MCM9: variants seen among roughly 807,000 people sequenced by gnomAD.
The protein encoded by MCM9 is DNA helicase MCM9.
In MCM9, 55 loss-of-function variants were observed where a neutral mutation model predicts 72.8. That is an observed-to-expected ratio of 0.76 (90% confidence interval 0.61 to 0.95). The LOEUF (loss-of-function observed/expected upper bound fraction) is 0.95, where lower values mean the gene tolerates loss of function less well. Ranked by LOEUF, MCM9 falls within the 40% of genes least tolerant of loss-of-function variation. The probability of loss-of-function intolerance (pLI) is 0.00; values close to 1 mark genes in which losing one functional copy is unlikely to be tolerated. For missense variants in MCM9, 1,279 were observed against 1,377.0 expected (o/e 0.93, Z 1.13); for synonymous variants, 480 against 503.4 (o/e 0.95, Z 0.62).
chr6:118,873,772 T>C (rs933165244), intron 8 of MCM9, among the ~76,000 whole-genome samples: 1 of 152,216 alleles, frequency 6.6e-6, no homozygotes, highest in Non-Finnish European at 1.5e-5. Context: ...TCCTAGCTCA[T>C]TGTATGAGGC....
chr6:118,874,536 A>G (rs1274971278), intron 8 of MCM9, among the ~76,000 whole-genome samples: 5 of 152,224 alleles, frequency 3.3e-5, no homozygotes. Context: ...CAAGGTAAAG[A>G]TGTCCTTTCT....
At chr6:118,834,700 GTTT>G (rs1237184881) in intron 9 of MCM9, among the ~76,000 whole-genome samples, 2 of 146,716 alleles carry the variant, frequency 1.4e-5, no homozygotes, top group African/African-American at 2.5e-5. Flanking sequence ...TTTTGATGTG[GTTT>G]TTTTTTTTCT....
At chr6:118,835,565 C>T (rs1562403623) in intron 9 of MCM9, among the ~76,000 whole-genome samples, 1 of 152,186 alleles carries the variant, frequency 6.6e-6, no homozygotes, top group African/African-American at 2.4e-5. Context: ...AGATGTTTCA[C>T]ATCCCTTGTA....
At chr6:118,894,582 C>T in intron 8 of MCM9, 1 of 1,398,418 alleles carries the variant, frequency 7.2e-7, no homozygotes, top group Non-Finnish European at 9.8e-7. Flanking sequence ...TTGAAAGTTT[C>T]CCGGGCCGGG....
At chr6:118,836,033 GT>G (rs1774933516) in intron 9 of MCM9, among the ~76,000 whole-genome samples, 1 of 152,168 alleles carries the variant, frequency 6.6e-6, no homozygotes, top group Non-Finnish European at 1.5e-5. Flanking sequence ...TCAATACCTA[GT>G]TTATTGAGAG....
intron 3 of MCM9, among the ~76,000 whole-genome samples, chr6:118,928,910 C>T (rs969924135): frequency 1.3e-5 from 2 of 151,726 alleles, no homozygotes; most frequent in African/African-American, 4.8e-5. Flanking sequence ...ACTCGGCATA[C>T]AGCAAGCGCT....
rs1782807407 is a variant in MCM9, at chr6:118,935,098, C to G, written c.-357G>C. 6.6e-6 allele frequency: 1 copy of G among 152,142 alleles called. No homozygotes were observed. The highest frequency in any genetic ancestry group is 2.4e-5 in the African/African-American group (1 of 41,442). The allele number at this position is 152,142 out of a possible 1,614,324, so 9.4% of individuals were successfully genotyped here. On this transcript the variant is annotated 5_prime_UTR_variant, in exon 1 of 14. Coordinates refer to ENST00000619706, the MANE Select transcript of MCM9 (RefSeq NM_017696.3). ...CGCCTGCGGCTCTGCCGGGCCTGCG[C>G]TCTCGACCGACGCCGGGCCGCGCAC... is the stretch of plus-strand genomic sequence containing the variant.
At chr6:118,861,541 C>T (rs901164949) in intron 8 of MCM9, among the ~76,000 whole-genome samples, 3 of 152,178 alleles carry the variant, frequency 2.0e-5, no homozygotes, top group African/African-American at 4.8e-5. Context: ...TACAGAACAG[C>T]TCTCAGGAGA....
intron 13 of MCM9, among the ~76,000 whole-genome samples, chr6:118,825,753 C>G (rs1306413691): frequency 2.0e-5 from 3 of 152,176 alleles, no homozygotes; most frequent in Non-Finnish European, 4.4e-5. Context: ...TCCCATGTAT[C>G]CTCCTTGTCT....
At chr6:118,933,009 G>C (rs1415349330) in intron 1 of MCM9, among the ~76,000 whole-genome samples, 1 of 152,164 alleles carries the variant, frequency 6.6e-6, no homozygotes, top group Non-Finnish European at 1.5e-5. Flanking sequence ...AAGGCACTAT[G>C]CTGGCAAATG....
At chr6:118,911,811 A>G (rs1490292687) in intron 7 of MCM9, 42 bp from the exon 8 acceptor site, 2 of 1,501,136 alleles carry the variant, frequency 1.3e-6, no homozygotes, top group Non-Finnish European at 1.8e-6. Flanking sequence ...TTTCTATAAA[A>G]GGGTCCATTT....
intron 8 of MCM9, among the ~76,000 whole-genome samples, chr6:118,902,626 T>C (rs1012141759): frequency 6.6e-6 from 1 of 151,274 alleles, no homozygotes; most frequent in Non-Finnish European, 1.5e-5. Flanking sequence ...TTATTAAGCA[T>C]ACTCCTAAGC....
chr6:118,894,616 G>A, intron 8 of MCM9: 2 of 1,078,596 alleles, frequency 1.9e-6, no homozygotes, highest in Non-Finnish European at 2.7e-6. Context: ...GGCTGTGTTC[G>A]GCGCCTGGCG....
chr6:118,837,500 T>C (rs527454206), intron 9 of MCM9, among the ~76,000 whole-genome samples: 1 of 152,254 alleles, frequency 6.6e-6, no homozygotes, highest in South Asian at 2.1e-4. Flanking sequence ...TGTGTGGGAG[T>C]CTAAGTGTTT....
intron 3 of MCM9, 39 bp downstream of exon 3, chr6:118,931,381 T>C: frequency 2.6e-6 from 4 of 1,526,650 alleles, no homozygotes; most frequent in Non-Finnish European, 2.7e-6. Context: ...AAAATCTTTC[T>C]AGAAGATAGC....
intron 8 of MCM9, among the ~76,000 whole-genome samples, chr6:118,862,178 G>T (rs1231736015): frequency 6.6e-6 from 1 of 152,214 alleles, no homozygotes; most frequent in Non-Finnish European, 1.5e-5. Context: ...GGGGAAGGGG[G>T]GCTTCCTGGG....
intron 8 of MCM9, among the ~76,000 whole-genome samples, chr6:118,900,381 A>G (rs538779956): frequency 6.6e-6 from 1 of 152,366 alleles, no homozygotes; most frequent in South Asian, 2.1e-4. Context: ...GGGGGATTCC[A>G]TAGCCAAATA....
Position 118,922,037 on chromosome 6 carries a change from A to C in MCM9, c.671T>G (p.Leu224Arg). ...GSIPRSMKVI[L>R]EDDLVDSCKS... ...GCAACTATCCACTAAGTCATCTTCC[A>C]GAATAACCTTCATAGATCGTGGAAT... Residue 224 changes from leucine to arginine, a missense_variant, in exon 5 of 14, where the codon CTG (leucine) becomes CGG (arginine). Physicochemically the swap from Leu to Arg is moderately radical, Grantham distance 102 (BLOSUM62 -2). Transcript: ENST00000619706. 6.2e-7 allele frequency: 1 copy of C among 1,613,110 alleles called. No homozygotes were observed. Among genetic ancestry groups the C allele is most frequent in the Non-Finnish European group, 8.5e-7 (1 of 1,179,524 alleles).
rs945434547 is a variant in MCM9, at chr6:118,814,229, A to G, written c.*595T>C. The G allele has an allele frequency of 6.6e-6, 1 of 152,180 alleles. No individual in the cohort carries two copies. The highest frequency in any genetic ancestry group is 2.4e-5 in the African/African-American group (1 of 41,440). The allele number at this position is 152,180 out of a possible 1,614,324, so 9.4% of individuals were successfully genotyped here. ...CAGTGGCCAGATCTCTAAGAACATC[A>G]TGGAATTGTAAGGATACCTCTCAAA... On this transcript the variant is annotated 3_prime_UTR_variant, in exon 14 of 14. Transcript: ENST00000619706.
Sources: gnomAD v4.1 joint callset for allele counts (sites outside exome capture counted in the v4.1 genomes callset) on GRCh38, gnomAD v4.1.1 for gene constraint, MANE v1.5 for transcripts, NCBI Gene and HGNC (gene_info 2026-07-23, HGNC 2026-07-21) for gene names.